The following ATP13A4 variants were observed in gnomAD, a reference collection of about 807,000 sequenced individuals.
The protein encoded by ATP13A4 is ATPase 13A4, also known as probable cation-transporting ATPase 13A4.
In ATP13A4, 114 loss-of-function variants were observed where a neutral mutation model predicts 142.5. The ratio of observed to expected loss-of-function variants is 0.80; its 90% CI spans 0.69 to 0.93. The LOEUF (loss-of-function observed/expected upper bound fraction) is 0.93, where lower values mean the gene tolerates loss of function less well. Ranked by LOEUF, ATP13A4 falls within the 40% of genes least tolerant of loss-of-function variation. ATP13A4 has a pLI of 0.00. For synonymous variants in ATP13A4, 488 were observed against 514.8 expected, an observed-to-expected ratio of 0.95 and a Z score of 0.70; for missense variants, 1,392 against 1,454.0, an observed-to-expected ratio of 0.96 and a Z score of 0.69.
chr3:193,535,195 T>G (rs552144588), intron 1 of ATP13A4, among the ~76,000 whole-genome samples: 4 of 152,216 alleles, frequency 2.6e-5, no homozygotes, highest in Admixed American at 6.5e-5. Flanking sequence ...TTAACTGATA[T>G]TTATTGAAGA....
chr3:193,506,788 T>G (rs992736498), intron 2 of ATP13A4, among the ~76,000 whole-genome samples: 1 of 152,180 alleles, frequency 6.6e-6, no homozygotes, highest in Non-Finnish European at 1.5e-5. Flanking sequence ...TTGGCACTTC[T>G]CCTCGCTGCC....
chr3:193,500,143 T>G (rs372519638), intron 3 of ATP13A4, among the ~76,000 whole-genome samples: 114 of 152,302 alleles, frequency 7.5e-4, no homozygotes, highest in African/African-American at 2.6e-3. Context: ...ATTTGCCTAT[T>G]TCCTGGAAAT....
chr3:193,549,685 AG>A (rs1723435636), intron 1 of ATP13A4, among the ~76,000 whole-genome samples: 1 of 152,098 alleles, frequency 6.6e-6, no homozygotes, highest in Non-Finnish European at 1.5e-5. Context: ...CTGGAAAATT[AG>A]CCAGGCATGG....
intron 26 of ATP13A4, among the ~76,000 whole-genome samples, chr3:193,413,303 T>G (rs983355940): frequency 6.6e-6 from 1 of 152,234 alleles, no homozygotes; most frequent in Non-Finnish European, 1.5e-5. Flanking sequence ...GTTATCTTCG[T>G]AAGCTGAGAA....
At chr3:193,530,162 C>G (rs936213072) in intron 1 of ATP13A4, among the ~76,000 whole-genome samples, 2 of 152,132 alleles carry the variant, frequency 1.3e-5, no homozygotes, top group African/African-American at 4.8e-5. Context: ...GGAAGCTTGC[C>G]CTATGCTTTC....
intron 1 of ATP13A4, among the ~76,000 whole-genome samples, chr3:193,540,935 G>C (rs80228164): frequency 0.024 from 3,637 of 150,054 alleles, 50 homozygotes; most frequent in East Asian, 0.033. Flanking sequence ...TTTATTCATT[G>C]AACATGTTTC....
Position 193,589,959 on chromosome 3 carries a change from CAA to C in ATP13A4, n.91+3060_91+3061del, listed in dbSNP as rs35624117. 3.6e-3 allele frequency among the ~76,000 whole-genome samples: 299 copies of C among 83,862 alleles called. 1 individual carries two copies. Among genetic ancestry groups the C allele is most frequent in the African/African-American group, 6.0e-3 (130 of 21,614 alleles). 55.0% of individuals were successfully genotyped at this position (83,862 alleles called of 152,430 possible). A position where few individuals can be genotyped will look rare whatever the true frequency, so the allele number is the denominator to read the frequency against. ...TACTTGCATACTTGTGTTCTTTTGC[CAA>C]AAAAAAAAAAAAAAAAAGCTCTTTC... On this transcript the variant is annotated intron_variant and non_coding_transcript_variant, in intron 1 of 3. Coordinates refer to the ATP13A4 transcript ENST00000489140.
chr3:193,503,041 G>T (rs902940133), intron 2 of ATP13A4, among the ~76,000 whole-genome samples: 1 of 152,006 alleles, frequency 6.6e-6, no homozygotes, highest in East Asian at 1.9e-4. Context: ...GCGGGGCAGG[G>T]GGGGGAACTA....
At position 193,448,258 on chromosome 3, in the gene ATP13A4, T is replaced by C; in HGVS notation, c.2100A>G (p.Lys700=). 1 of 1,614,174 alleles carries C rather than the reference T, an allele frequency of 6.2e-7. No homozygotes were observed. Residue 700 remains lysine, a synonymous_variant, in exon 18 of 30, where the codon AAA becomes AAG. Coordinates refer to ENST00000342695, the MANE Select transcript of ATP13A4 (RefSeq NM_032279.4). Reference sequence around the variant, plus strand: ...CTGAGATGAGCTCTTCCAAGACAGGTTTTGTCTCTTCCTTCAATCGATTCT... The same window carrying C: ...CTGAGATGAGCTCTTCCAAGACAGGCTTTGTCTCTTCCTTCAATCGATTCT... ...ILENRLKEET[K]PVLEELISAR...
At chr3:193,568,246 C>G (rs550801683) in intron 2 of ATP13A4, among the ~76,000 whole-genome samples, 1 of 152,074 alleles carries the variant, frequency 6.6e-6, no homozygotes, top group Non-Finnish European at 1.5e-5. Flanking sequence ...CAGGCATGAG[C>G]CACCGTGCCC....
chr3:193,514,572 T>C, intron 2 of ATP13A4, 126 bp downstream of exon 2: 2 of 1,272,814 alleles, frequency 1.6e-6, no homozygotes, highest in South Asian at 1.3e-5. Flanking sequence ...TGATGAAACC[T>C]AAGGAACCAA....
intron 1 of ATP13A4, among the ~76,000 whole-genome samples, chr3:193,539,789 G>T (rs1174638424): frequency 6.6e-6 from 1 of 152,120 alleles, no homozygotes; most frequent in Non-Finnish European, 1.5e-5. Flanking sequence ...GCTTAGCAAT[G>T]GGTATAGGAC....
At chr3:193,502,932 C>T (rs1208955300) in intron 2 of ATP13A4, among the ~76,000 whole-genome samples, 2 of 152,102 alleles carry the variant, frequency 1.3e-5, no homozygotes, top group Non-Finnish European at 2.9e-5. Flanking sequence ...ACCTTTCAAC[C>T]ACCTTTCAGC....
chr3:193,438,523 G>T lies in ATP13A4; in HGVS notation c.2624C>A (p.Pro875His), dbSNP rs1310399653. 1.2e-6 allele frequency: 2 copies of T among 1,614,072 alleles called. No individual in the cohort carries two copies. Among genetic ancestry groups the T allele is most frequent in the African/African-American group, 2.7e-5 (2 of 74,920 alleles). The change falls in exon 23 of 30, where the codon CCT becomes CAT. Residue 875 changes from proline to histidine, a missense_variant. Coordinates refer to ENST00000342695, the MANE Select transcript of ATP13A4 (RefSeq NM_032279.4). ...AATGTTTGGAGTTTTGGAAGTGAAAGGTGAGGCCACAGATGCCTCCTGCTC... is the reference window on the plus strand; with the variant it reads ...AATGTTTGGAGTTTTGGAAGTGAAATGTGAGGCCACAGATGCCTCCTGCTC... ...LSEQEASVAS[P>H]FTSKTPNIEC...
chr3:193,435,861 TC>T, intron 23 of ATP13A4, 117 bp from the exon 24 acceptor site: 1 of 900,408 alleles, frequency 1.1e-6, no homozygotes, highest in East Asian at 2.6e-5. Flanking sequence ...TATACGACTG[TC>T]TGTCTGAAAA....
intron 28 of ATP13A4, among the ~76,000 whole-genome samples, chr3:193,410,439 G>A (rs144030323): frequency 1.2e-3 from 188 of 152,344 alleles, no homozygotes; most frequent in Non-Finnish European, 1.9e-3. Context: ...TTGGTTAGAT[G>A]CAGTGGCTTA....
chr3:193,412,295 T>C lies in ATP13A4; in HGVS notation c.3091A>G (p.Ser1031Gly), dbSNP rs1359482668. Residue 1031 changes from serine (S) to glycine (G), a missense_variant, in exon 27 of 30, where the codon AGC becomes GGC. Transcript: ENST00000342695. ...GTGTTCTCAAAACTTGTGAAGGTGCTATTACTTTCCATTTTTTCTGGAGCA... is the reference window on the plus strand; with the variant it reads ...GTGTTCTCAAAACTTGTGAAGGTGCCATTACTTTCCATTTTTTCTGGAGCA... ...PTAPEKMESN[S>G]TFTSFENTTV... 2 of 1,613,994 alleles carry C rather than the reference T, an allele frequency of 1.2e-6. No homozygotes were observed. The highest frequency in any genetic ancestry group is 1.7e-6 in the Non-Finnish European group (2 of 1,179,834).
chr3:193,454,826 C>A (rs1163850444), intron 16 of ATP13A4, among the ~76,000 whole-genome samples: 4 of 152,050 alleles, frequency 2.6e-5, no homozygotes, highest in Admixed American at 2.6e-4. Flanking sequence ...GACAAAGATG[C>A]CAAAAACAAT....
chr3:193,435,891 TG>T, intron 23 of ATP13A4, 147 bp from the exon 24 acceptor site: 1 of 742,622 alleles, frequency 1.3e-6, no homozygotes, highest in South Asian at 1.5e-5. Context: ...CCTGAGCTCA[TG>T]GATGCTGGCT....
Sources: allele counts gnomAD v4.1 joint callset (sites outside exome capture counted in the v4.1 genomes callset), GRCh38; gene constraint gnomAD v4.1.1; transcripts MANE v1.5; gene names NCBI Gene and HGNC (gene_info 2026-07-23, HGNC 2026-07-21).